DCDC1: variants seen among roughly 807,000 people sequenced by gnomAD.
DCDC1 encodes doublecortin domain containing 1, also known as doublecortin domain-containing protein 1.
Under a neutral mutation model 178.3 loss-of-function variants are expected in DCDC1, and 200 were observed. That is an observed-to-expected ratio of 1.12 (90% CI 1.00 to 1.26). DCDC1 has a LOEUF of 1.26. DCDC1 is among the 50% of genes most tolerant of loss of function. The pLI, the probability that DCDC1 is intolerant of heterozygous loss-of-function variation, is 0.00. For synonymous variants in DCDC1, 690 were observed against 604.8 expected, an observed-to-expected ratio of 1.14 and a Z score of -2.07; for missense variants, 1,983 against 1,749.2, an observed-to-expected ratio of 1.13 and a Z score of -2.38.
chr11:30,943,228 T>G (rs942226276), intron 21 of DCDC1: 1 of 152,556 alleles, frequency 6.6e-6, no homozygotes, highest in Admixed American at 6.5e-5. Flanking sequence ...AGAGAGAGCA[T>G]GTGTTCGTTT....
At chr11:31,066,073 G>A (rs1489535738) in intron 18 of DCDC1, among the ~76,000 whole-genome samples, 3 of 152,156 alleles carry the variant, frequency 2.0e-5, no homozygotes, top group South Asian at 2.1e-4. Context: ...CAACCCACTC[G>A]TGTAATATTT....
rs1565147912 is a variant in DCDC1, at chr11:30,978,828, C to CACACACACACA, written c.2592-26261_2592-26260insTGTGTGTGTGT. 3.7e-3 allele frequency among the ~76,000 whole-genome samples: 475 copies of CACACACACACA among 127,132 alleles called. 12 individuals are homozygous for CACACACACACA. Among genetic ancestry groups the CACACACACACA allele is most frequent in the African/African-American group, 0.011 (326 of 30,240 alleles). 83.4% of individuals were successfully genotyped at this position (127,132 alleles called of 152,430 possible). A position where few individuals can be genotyped will look rare whatever the true frequency, so the allele number is the denominator to read the frequency against. ...CACACACACACACACACACACACAC[C>CACACACACACA]CCCTTCTCAGCCTCTGGTATCTATC... On this transcript the variant is annotated intron_variant, in intron 20 of 38. Transcript: ENST00000684477.
chr11:30,915,918 A>C (rs1945798760), intron 26 of DCDC1, among the ~76,000 whole-genome samples: 1 of 152,228 alleles, frequency 6.6e-6, no homozygotes. Flanking sequence ...TTCTGAGCTT[A>C]TTTTGTAACA....
chr11:31,184,208 A>G (rs970078050), intron 9 of DCDC1, among the ~76,000 whole-genome samples: 2 of 152,188 alleles, frequency 1.3e-5, no homozygotes, highest in Admixed American at 6.5e-5. Context: ...TATTTAATAA[A>G]TGGTATTGGG....
In DCDC1 at chr11:31,089,052, T is replaced by A. The variant is rs1957642806; in HGVS notation, c.2237+2341A>T. ...GTCACCATTGCCAGTGCTCTATATT[T>A]CCATCTGGTATCATTTTACTTCTGT... On this transcript the variant is annotated intron_variant, in intron 17 of 38. Transcript: ENST00000684477. Among the ~76,000 whole-genome samples the A allele has an allele frequency of 7.2e-5, 11 of 152,306 alleles. No individual in the cohort carries two copies. The South Asian group carries it at 2.3e-3, about 32-fold the overall frequency.
At chr11:31,189,808 C>G (rs971502494) in intron 9 of DCDC1, among the ~76,000 whole-genome samples, 1 of 152,166 alleles carries the variant, frequency 6.6e-6, no homozygotes, top group Non-Finnish European at 1.5e-5. Context: ...ATGGATAATC[C>G]AGGATAGCCT....
chr11:31,152,482 A>C (rs953481588), intron 9 of DCDC1, among the ~76,000 whole-genome samples: 4 of 152,250 alleles, frequency 2.6e-5, no homozygotes, highest in African/African-American at 9.6e-5. Flanking sequence ...TGAAATAATT[A>C]GGCAGAGATA....
chr11:30,956,018 T>A (rs1474795475), intron 20 of DCDC1, among the ~76,000 whole-genome samples: 1 of 152,144 alleles, frequency 6.6e-6, no homozygotes. Flanking sequence ...ATTTGAGGAC[T>A]TTTTTGGTTG....
intron 32 of DCDC1, among the ~76,000 whole-genome samples, chr11:30,901,779 A>G (rs1322851956): frequency 6.6e-6 from 1 of 152,168 alleles, no homozygotes; most frequent in Non-Finnish European, 1.5e-5. Flanking sequence ...TATGCCAAAT[A>G]AAGGCAGAAA....
At chr11:31,258,051 A>G (rs1363739356) in intron 8 of DCDC1, among the ~76,000 whole-genome samples, 1 of 152,192 alleles carries the variant, frequency 6.6e-6, no homozygotes, top group Non-Finnish European at 1.5e-5. Context: ...GAGTGCACAT[A>G]AAATCTGGAC....
chr11:30,871,819 A>G (rs1267781965), intron 38 of DCDC1, among the ~76,000 whole-genome samples: 4 of 152,064 alleles, frequency 2.6e-5, no homozygotes, highest in African/African-American at 9.7e-5. Flanking sequence ...AGGGAATTAT[A>G]GTGATAAAAC....
intron 9 of DCDC1, among the ~76,000 whole-genome samples, chr11:31,155,050 T>G (rs1159574331): frequency 6.6e-6 from 1 of 152,238 alleles, no homozygotes; most frequent in Non-Finnish European, 1.5e-5. Context: ...GTTCTGACTT[T>G]CGGAACCCAA....
At chr11:31,258,583 A>ACTT (rs1944568517) in intron 8 of DCDC1, among the ~76,000 whole-genome samples, 1 of 152,200 alleles carries the variant, frequency 6.6e-6, no homozygotes, top group African/African-American at 2.4e-5. Flanking sequence ...ACATTAACTG[A>ACTT]AGAGCAGGAG....
chr11:31,213,044 T>A (rs1972809997), intron 9 of DCDC1, among the ~76,000 whole-genome samples: 1 of 149,724 alleles, frequency 6.7e-6, no homozygotes, highest in Non-Finnish European at 1.5e-5. Flanking sequence ...TATTAGATGA[T>A]CCAGACATAG....
Position 31,064,348 on chromosome 11 carries a change from C to G in DCDC1, c.2591+121G>C, listed in dbSNP as rs114023132. 9.1e-4 allele frequency: 550 copies of G among 601,898 alleles called. 1 individual carries two copies. The African/African-American group carries it at 9.2e-3, about 10-fold the overall frequency. The allele number at this position is 601,898 out of a possible 1,614,324, so 37.3% of individuals were successfully genotyped here. A position where few individuals can be genotyped will look rare whatever the true frequency, so the allele number is the denominator to read the frequency against. The stretch of plus-strand genomic sequence containing the variant: ...CAAATGTGACCCAAAAACTACTACG[C>G]TTGAAAGCCAAAGGGCTTTTGAGAT... On this transcript the variant is annotated intron_variant, in intron 20 of 38. Coordinates refer to ENST00000684477, the MANE Select transcript of DCDC1 (RefSeq NM_001387274.1).
intron 7 of DCDC1, among the ~76,000 whole-genome samples, chr11:31,273,059 C>G (rs574712618): frequency 6.6e-6 from 1 of 152,260 alleles, no homozygotes; most frequent in Non-Finnish European, 1.5e-5. Flanking sequence ...GTATGGGACC[C>G]TGGGCCCGGC....
chr11:31,249,730 G>T (rs1395601498), intron 8 of DCDC1, among the ~76,000 whole-genome samples: 2 of 152,126 alleles, frequency 1.3e-5, no homozygotes, highest in Admixed American at 6.6e-5. Flanking sequence ...TTCAGCAAGA[G>T]ACCTAAATTG....
intron 20 of DCDC1, among the ~76,000 whole-genome samples, chr11:31,029,436 A>G (rs1018515710): frequency 6.6e-6 from 1 of 152,112 alleles, no homozygotes; most frequent in Non-Finnish European, 1.5e-5. Context: ...TGAGAAAACA[A>G]TGGTGATGTA....
rs1353426035 is a variant in DCDC1, at chr11:31,305,828, T to C, written c.592-51A>G. 1.9e-6 allele frequency: 3 copies of C among 1,580,320 alleles called. No homozygotes were observed. The African/African-American group carries it at 4.1e-5, about 21-fold the overall frequency. ...AAGTGATTTACTACAAAGAAAGTAATATATTTCCCTCAAAACAAAAGGTTC... is the reference window on the plus strand; with the variant it reads ...AAGTGATTTACTACAAAGAAAGTAACATATTTCCCTCAAAACAAAAGGTTC... On this transcript the variant is annotated intron_variant, in intron 5 of 38. Coordinates refer to ENST00000684477, the MANE Select transcript of DCDC1 (RefSeq NM_001387274.1).
Sources: allele counts gnomAD v4.1 joint callset (sites outside exome capture counted in the v4.1 genomes callset), GRCh38; gene constraint gnomAD v4.1.1; transcripts MANE v1.5; gene names NCBI Gene and HGNC (gene_info 2026-07-23, HGNC 2026-07-21).